Variants in HIPK1 observed in about 807,000 individuals in gnomAD.
The protein encoded by HIPK1 is homeodomain interacting protein kinase 1.
In HIPK1, 28 loss-of-function variants were observed where a neutral mutation model predicts 117.1. The ratio of observed to expected loss-of-function variants is 0.24; its 90% CI spans 0.18 to 0.33. The LOEUF is 0.33. HIPK1 is among the 10% of genes least tolerant of loss of function. The probability of loss-of-function intolerance (pLI) is 1.00; values close to 1 mark genes in which losing one functional copy is unlikely to be tolerated. For synonymous variants in HIPK1, 605 were observed against 562.5 expected (o/e 1.08, Z -1.07); for missense variants, 1,122 against 1,475.1 (o/e 0.76, Z 3.92).
At position 113,935,051 on chromosome 1, in the gene HIPK1, G is replaced by A. The variant is rs1055673797; in HGVS notation, c.-2-5331G>A. Among the ~76,000 whole-genome samples, 3 of 150,096 alleles carry A rather than the reference G, an allele frequency of 2.0e-5. No homozygotes were observed. The East Asian group carries it at 5.8e-4, about 29-fold the overall frequency. Reference sequence around the variant, plus strand: ...TTTTTAAACCTTTATTTTAGGTTCAGGGGTACATGTGCTGGTTTGTTATAT... The same window carrying A: ...TTTTTAAACCTTTATTTTAGGTTCAAGGGTACATGTGCTGGTTTGTTATAT... On this transcript the variant is annotated intron_variant, in intron 1 of 15. Coordinates refer to ENST00000426820, the MANE Select transcript of HIPK1 (RefSeq NM_198268.3).
At chr1:113,960,381 C>G (rs927027659) in intron 8 of HIPK1, among the ~76,000 whole-genome samples, 7 of 152,194 alleles carry the variant, frequency 4.6e-5, no homozygotes, top group African/African-American at 1.7e-4. Context: ...CAATAGCAAT[C>G]TAATACATTA....
At chr1:113,947,656 G>A (rs1320210553) in intron 2 of HIPK1, among the ~76,000 whole-genome samples, 1 of 152,196 alleles carries the variant, frequency 6.6e-6, no homozygotes, top group Non-Finnish European at 1.5e-5. Flanking sequence ...AACAATGTTG[G>A]TTGGAAGAAT....
intron 11 of HIPK1, among the ~76,000 whole-genome samples, chr1:113,966,889 C>T (rs1324891553): frequency 2.0e-5 from 3 of 150,606 alleles, no homozygotes; most frequent in Admixed American, 6.6e-5. Flanking sequence ...CACTAGCCCT[C>T]CACTACTCTT....
intron 1 of HIPK1, among the ~76,000 whole-genome samples, chr1:113,935,366 T>C (rs996366408): frequency 2.0e-5 from 3 of 152,240 alleles, no homozygotes; most frequent in African/African-American, 7.2e-5. Context: ...ATGGTCTTGT[T>C]CTTTTTTATG....
intron 2 of HIPK1, among the ~76,000 whole-genome samples, chr1:113,944,164 T>TTG (rs1436308214): frequency 3.3e-5 from 4 of 122,662 alleles, no homozygotes; most frequent in Non-Finnish European, 5.0e-5. Flanking sequence ...CATGGGTTTT[T>TTG]TTTTTTTTTT....
rs181872079 is a variant in HIPK1, at chr1:113,930,082, C to T, written c.-3+550C>T. 7.5e-6 allele frequency: 7 copies of T among 933,958 alleles called. No individual in the cohort carries two copies. In the South Asian group the frequency reaches 2.5e-4, roughly 33 times the overall value. The allele number at this position is 933,958 out of a possible 1,614,324, so 57.9% of individuals were successfully genotyped here. A position where few individuals can be genotyped will look rare whatever the true frequency, so the allele number is the denominator to read the frequency against. The stretch of plus-strand genomic sequence containing the variant: ...TCCTCAAAGGGCCCCTGCCTGGGAC[C>T]GGGCGCCGCGTCTTGCGGCCCGGCC... On this transcript the variant is annotated intron_variant, in intron 1 of 15. Coordinates refer to ENST00000426820, the MANE Select transcript of HIPK1 (RefSeq NM_198268.3).
chr1:113,960,747 T>G (rs1672047774), intron 8 of HIPK1, among the ~76,000 whole-genome samples: 3 of 152,206 alleles, frequency 2.0e-5, no homozygotes, highest in Admixed American at 2.0e-4. Context: ...CTTTTTATTT[T>G]TATATAAAAA....
At chr1:113,937,840 G>T (rs1432878411) in intron 1 of HIPK1, among the ~76,000 whole-genome samples, 2 of 152,046 alleles carry the variant, frequency 1.3e-5, no homozygotes, top group African/African-American at 4.8e-5. Flanking sequence ...GCCTGGAGGT[G>T]AGTGGCCTTC....
chr1:113,933,248 A>G, intron 1 of HIPK1: 1 of 956,832 alleles, frequency 1.0e-6, no homozygotes, highest in Admixed American at 6.2e-5. Flanking sequence ...AGTAAAAGTT[A>G]GGAAAAGAAA....
intron 1 of HIPK1, chr1:113,930,619 AT>A (rs1408839086): frequency 1.3e-5 from 2 of 152,278 alleles, no homozygotes; most frequent in African/African-American, 4.8e-5. Context: ...AACAACCAAA[AT>A]TCTGGTAAGG....
Position 113,940,756 on chromosome 1 carries a change from C to T in HIPK1, c.373C>T (p.Arg125Ter), listed in dbSNP as rs945098361. 1.2e-6 allele frequency: 2 copies of T among 1,613,980 alleles called. No homozygotes were observed. The highest frequency in any genetic ancestry group is 1.7e-6 in the Non-Finnish European group (2 of 1,180,012). Residue 125 changes from arginine (R) to a stop codon, truncating the protein, a stop_gained, in exon 2 of 16, where the codon CGA (arginine) becomes TGA (stop). Transcript: ENST00000426820. LOFTEE classifies it high-confidence loss of function. ...LEPYQKCGLK[R>*]KSEEVDSNGS... ...GCCATATCAAAAATGTGGATTGAAA[C>T]GAAAAAGTGAGGAAGTTGACAGCAA...
At chr1:113,945,792 A>G (rs1291669111) in intron 2 of HIPK1, among the ~76,000 whole-genome samples, 1 of 152,134 alleles carries the variant, frequency 6.6e-6, no homozygotes, top group East Asian at 1.9e-4. Flanking sequence ...TGAGACCTCC[A>G]ACTTTGTTCT....
chr1:113,969,289 A>AGGAGGTGTT (rs1407093846), intron 13 of HIPK1, among the ~76,000 whole-genome samples: 5 of 152,206 alleles, frequency 3.3e-5, no homozygotes. Flanking sequence ...GGCAACATAC[A>AGGAGGTGTT]GGAGGTGTTA....
chr1:113,950,113 G>A (rs1157587720), intron 2 of HIPK1, among the ~76,000 whole-genome samples: 1 of 152,170 alleles, frequency 6.6e-6, no homozygotes, highest in Non-Finnish European at 1.5e-5. Flanking sequence ...TAAATACTAG[G>A]GGAGGATTTT....
intron 14 of HIPK1, 35 bp downstream of exon 14, chr1:113,970,232 C>G: frequency 6.2e-7 from 1 of 1,609,778 alleles, no homozygotes; most frequent in Non-Finnish European, 8.5e-7. Context: ...GTTGAATTCT[C>G]CTTTGATGTG....
chr1:113,948,837 A>T (rs1671154941), intron 2 of HIPK1, among the ~76,000 whole-genome samples: 1 of 151,260 alleles, frequency 6.6e-6, no homozygotes, highest in Non-Finnish European at 1.5e-5. Context: ...TATTATTGCT[A>T]CCTTTTTTAT....
Position 113,954,858 on chromosome 1 carries a change from A to G in HIPK1, c.1320+88A>G, listed in dbSNP as rs373117415. Reference sequence around the variant, plus strand: ...TCAAAGTTTAGTTATTAAATTCTTCAGGTAGAGAAGGGAAAGGAGAGGGGG... The same window carrying G: ...TCAAAGTTTAGTTATTAAATTCTTCGGGTAGAGAAGGGAAAGGAGAGGGGG... On this transcript the variant is annotated intron_variant, in intron 4 of 15. Transcript: ENST00000426820. 178 of 1,211,608 alleles carry G rather than the reference A, an allele frequency of 1.5e-4. No homozygotes were observed. The East Asian group carries it at 2.3e-3, about 16-fold the overall frequency. 75.1% of individuals were successfully genotyped at this position (1,211,608 alleles called of 1,614,324 possible).
At chr1:113,946,975 A>G (rs1671027844) in intron 2 of HIPK1, among the ~76,000 whole-genome samples, 1 of 152,220 alleles carries the variant, frequency 6.6e-6, no homozygotes, top group African/African-American at 2.4e-5. Flanking sequence ...TTGCCATATT[A>G]GAGTCCATTA....
At chr1:113,944,973 G>A (rs1670894062) in intron 2 of HIPK1, among the ~76,000 whole-genome samples, 2 of 152,068 alleles carry the variant, frequency 1.3e-5, no homozygotes, top group East Asian at 1.9e-4. Flanking sequence ...TTAGCCTTTC[G>A]GGTACCTGAG....
Sources: gnomAD v4.1 joint callset for allele counts (sites outside exome capture counted in the v4.1 genomes callset) on GRCh38, gnomAD v4.1.1 for gene constraint, MANE v1.5 for transcripts, NCBI Gene and HGNC (gene_info 2026-07-23, HGNC 2026-07-21) for gene names.